Variants in GABRB2 observed in about 807,000 individuals in gnomAD.
GABRB2 encodes the protein gamma-aminobutyric acid type A receptor subunit beta2.
A neutral mutation model predicts 54.7 loss-of-function variants in GABRB2; 16 were observed. The observed-to-expected ratio is 0.29, with a 90% CI of 0.20 to 0.44. GABRB2 has a LOEUF of 0.44. Ranked by LOEUF, GABRB2 falls within the 20% of genes least tolerant of loss-of-function variation. The pLI, the probability that GABRB2 is intolerant of heterozygous loss-of-function variation, is 1.00. For missense variants in GABRB2, 355 were observed against 644.0 expected, an observed-to-expected ratio of 0.55 and a Z score of 4.86; for synonymous variants, 244 against 233.8, an observed-to-expected ratio of 1.04 and a Z score of -0.40.
rs183844916 is a variant in GABRB2 at position 161,389,307 on chromosome 5, C to G, written c.541+21668G>C. On this transcript the variant is annotated intron_variant, in intron 5 of 9. Transcript: ENST00000393959. Reference sequence around the variant, plus strand: ...TGATTTGATCTTAGCTTGTTTACCCCGTGGAAACTAGATAATTAAGCTTCT... The same window carrying G: ...TGATTTGATCTTAGCTTGTTTACCCGGTGGAAACTAGATAATTAAGCTTCT... 4.2e-3 allele frequency among the ~76,000 whole-genome samples: 631 copies of G among 151,976 alleles called. 5 individuals are homozygous for G. Among genetic ancestry groups the G allele is most frequent in the African/African-American group, 0.014 (596 of 41,496 alleles).
chr5:161,525,004 T>C (rs35561056), intron 3 of GABRB2, among the ~76,000 whole-genome samples: 2,354 of 151,448 alleles, frequency 0.016, 29 homozygotes, highest in East Asian at 0.024. Flanking sequence ...CAAAGTACTT[T>C]CTATTTTATG....
intron 8 of GABRB2, chr5:161,327,038 TA>T: frequency 1.3e-6 from 1 of 773,392 alleles, no homozygotes; most frequent in Non-Finnish European, 1.5e-6. Flanking sequence ...CAAATTCCAT[TA>T]GGACACACAC....
chr5:161,335,394 C>CT (rs956560657), intron 6 of GABRB2, among the ~76,000 whole-genome samples: 32 of 151,940 alleles, frequency 2.1e-4, no homozygotes, highest in Admixed American at 1.7e-3. Context: ...GTATATGCTT[C>CT]TTTTTTTTAA....
intron 3 of GABRB2, among the ~76,000 whole-genome samples, chr5:161,505,949 G>A (rs1361963073): frequency 1.3e-5 from 2 of 151,986 alleles, no homozygotes; most frequent in South Asian, 2.1e-4. Flanking sequence ...TAAAGCCAAC[G>A]TGATAAGTAA....
intron 5 of GABRB2, among the ~76,000 whole-genome samples, chr5:161,354,776 A>G (rs1754567384): frequency 6.6e-6 from 1 of 152,024 alleles, no homozygotes; most frequent in African/African-American, 2.4e-5. Context: ...GTTCCTGCCC[A>G]CCTCTTTGAA....
chr5:161,391,941 T>C (rs1755836303), intron 5 of GABRB2, among the ~76,000 whole-genome samples: 1 of 152,190 alleles, frequency 6.6e-6, no homozygotes, highest in Non-Finnish European at 1.5e-5. Context: ...CCCTGTAACC[T>C]ATGCTAAGCC....
chr5:161,429,357 A>AAAAAAAAAAAAAAAAAAT lies in GABRB2; in HGVS notation c.459-18301_459-18300insATTTTTTTTTTTTTTTTT, dbSNP rs1402875797. 5.1e-3 allele frequency among the ~76,000 whole-genome samples: 555 copies of AAAAAAAAAAAAAAAAAAT among 108,240 alleles called. 36 individuals carry two copies. Among genetic ancestry groups the AAAAAAAAAAAAAAAAAAT allele is most frequent in the African/African-American group, 0.017 (511 of 30,232 alleles). The allele number at this position is 108,240 out of a possible 152,430, so 71.0% of individuals were successfully genotyped here. A position where few individuals can be genotyped will look rare whatever the true frequency, so the allele number is the denominator to read the frequency against. The stretch of plus-strand genomic sequence containing the variant: ...CAAGAATCCGTCTCAAAAAAAAAAA[A>AAAAAAAAAAAAAAAAAAT]AGAAAAAGAAAAAAAAAGAAATCCT... On this transcript the variant is annotated intron_variant, in intron 4 of 9. Transcript: ENST00000393959.
At chr5:161,427,514 C>T (rs2113163773) in intron 4 of GABRB2, among the ~76,000 whole-genome samples, 1 of 152,246 alleles carries the variant, frequency 6.6e-6, no homozygotes, top group South Asian at 2.1e-4. Context: ...CAGTGGGGTT[C>T]TGTACGTTCA....
At chr5:161,496,038 A>G (rs1032151035) in intron 3 of GABRB2, among the ~76,000 whole-genome samples, 3 of 152,132 alleles carry the variant, frequency 2.0e-5, no homozygotes, top group Admixed American at 6.6e-5. Context: ...TCTACTAGCA[A>G]TGGTGACAAG....
chr5:161,389,356 C>A (rs946690506), intron 5 of GABRB2, among the ~76,000 whole-genome samples: 3 of 152,006 alleles, frequency 2.0e-5, no homozygotes, highest in Admixed American at 2.0e-4. Flanking sequence ...CAAATTATTT[C>A]TTCTACTGAC....
intron 4 of GABRB2, among the ~76,000 whole-genome samples, chr5:161,415,481 C>T (rs888985856): frequency 2.6e-5 from 4 of 152,128 alleles, no homozygotes; most frequent in Admixed American, 2.6e-4. Flanking sequence ...ACTCAAGGCA[C>T]CTATAAAATC....
chr5:161,464,115 A>G (rs1457620393), intron 3 of GABRB2, among the ~76,000 whole-genome samples: 1 of 152,074 alleles, frequency 6.6e-6, no homozygotes, highest in Non-Finnish European at 1.5e-5. Flanking sequence ...AACAGAATTT[A>G]AGGTTTTTTT....
intron 5 of GABRB2, among the ~76,000 whole-genome samples, chr5:161,354,396 T>A (rs569288006): frequency 6.6e-6 from 1 of 152,138 alleles, no homozygotes; most frequent in South Asian, 2.1e-4. Flanking sequence ...CTCTCTAATA[T>A]TTAAATCTAT....
intron 4 of GABRB2, among the ~76,000 whole-genome samples, chr5:161,452,367 T>G (rs1056838518): frequency 1.3e-5 from 2 of 152,202 alleles, no homozygotes; most frequent in Non-Finnish European, 1.5e-5. Context: ...AAATGAGTGA[T>G]CAGAAGAATC....
At position 161,523,100 on chromosome 5, in the gene GABRB2, T is replaced by C. The variant is rs186186912; in HGVS notation, c.237+22127A>G. ...TTTATATTCATACCCAAATTATTCA[T>C]ATGGAGGAGAAAAGTTATGATTTAA... On this transcript the variant is annotated intron_variant, in intron 3 of 9. Coordinates refer to ENST00000393959, the MANE Select transcript of GABRB2 (RefSeq NM_001371727.1). Among the ~76,000 whole-genome samples the C allele has an allele frequency of 5.0e-3, 763 of 151,628 alleles. 7 individuals are homozygous for C. The highest frequency in any genetic ancestry group is 0.018 in the African/African-American group (740 of 41,494).
At chr5:161,459,243 G>A (rs1758051640) in intron 4 of GABRB2, 1 of 234,056 alleles carries the variant, frequency 4.3e-6, no homozygotes. Flanking sequence ...TGATCCCGTT[G>A]AGGCAGCTCA....
intron 3 of GABRB2, among the ~76,000 whole-genome samples, chr5:161,535,014 A>G (rs969710191): frequency 2.0e-5 from 3 of 152,222 alleles, no homozygotes; most frequent in Non-Finnish European, 4.4e-5. Flanking sequence ...TTGAACATAT[A>G]CCAGGCAACA....
chr5:161,538,195 A>G (rs1760702432), intron 3 of GABRB2, among the ~76,000 whole-genome samples: 1 of 152,182 alleles, frequency 6.6e-6, no homozygotes, highest in African/African-American at 2.4e-5. Flanking sequence ...CTACTATAGA[A>G]GTGAATTTTT....
intron 4 of GABRB2, among the ~76,000 whole-genome samples, chr5:161,454,019 CAG>C (rs1356249934): frequency 2.2e-5 from 3 of 135,888 alleles, no homozygotes; most frequent in Non-Finnish European, 3.1e-5. Flanking sequence ...GCCTTGGAGA[CAG>C]AGTGAGATTC....
Sources: allele counts gnomAD v4.1 joint callset (sites outside exome capture counted in the v4.1 genomes callset), GRCh38; gene constraint gnomAD v4.1.1; transcripts MANE v1.5; gene names NCBI Gene and HGNC (gene_info 2026-07-23, HGNC 2026-07-21).